The following DLD variants were observed in gnomAD, a reference collection of about 807,000 sequenced individuals.
The protein encoded by DLD is dihydrolipoyl dehydrogenase, mitochondrial.
In DLD, 36 loss-of-function variants were observed where a neutral mutation model predicts 62.2. The ratio of observed to expected loss-of-function variants is 0.58; its 90% CI spans 0.44 to 0.76. DLD has a LOEUF of 0.76. DLD is among the 30% of genes least tolerant of loss of function. DLD has a pLI of 0.00. For missense variants in DLD, 541 were observed against 608.6 expected, an observed-to-expected ratio of 0.89 and a Z score of 1.17; for synonymous variants, 204 against 199.6, an observed-to-expected ratio of 1.02 and a Z score of -0.19.
chr7:107,892,884 ATAAT>A (rs1466474574), intron 1 of DLD, among the ~76,000 whole-genome samples: 5 of 152,322 alleles, frequency 3.3e-5, no homozygotes, highest in South Asian at 2.1e-4. Flanking sequence ...CCTGGCACTA[ATAAT>A]TAGCCATGTT....
chr7:107,918,954 T>G, intron 12 of DLD, 56 bp from the exon 13 acceptor site: 1 of 1,377,326 alleles, frequency 7.3e-7, no homozygotes, highest in Non-Finnish European at 1.0e-6. Context: ...ATTGCTATCC[T>G]ATTAGCATGT....
At chr7:107,893,104 A>T in intron 1 of DLD, 96 bp from the exon 2 acceptor site, 1 of 877,464 alleles carries the variant, frequency 1.1e-6, no homozygotes, top group East Asian at 2.6e-5. Flanking sequence ...TCCTCGCTTG[A>T]TACGTTTGCC....
chr7:107,891,369 C>G, intron 1 of DLD, 80 bp downstream of exon 1: 2 of 1,520,132 alleles, frequency 1.3e-6, no homozygotes, highest in Non-Finnish European at 1.8e-6. Flanking sequence ...GCGGCTTAAC[C>G]GTGTTGGGCT....
chr7:107,906,788 A>C (rs1459393019), intron 8 of DLD, among the ~76,000 whole-genome samples: 1 of 152,090 alleles, frequency 6.6e-6, no homozygotes, highest in East Asian at 1.9e-4. Flanking sequence ...GAAATGTCAA[A>C]CTACTTGCAT....
chr7:107,911,561 C>A (rs2032140997), intron 8 of DLD, among the ~76,000 whole-genome samples: 1 of 152,072 alleles, frequency 6.6e-6, no homozygotes, highest in Admixed American at 6.5e-5. Context: ...AACACCGTTA[C>A]ACTTTTCCAT....
chr7:107,916,931 C>T lies in DLD; in HGVS notation c.1013C>T (p.Pro338Leu), dbSNP rs1167598969. The part of the protein sequence containing the change: ...GIELDPRGRI[P>L]VNTRFQTKIP... The stretch of plus-strand genomic sequence containing the variant: ...GAACTAGATCCCAGAGGTAGAATTC[C>T]AGTCAATACCAGATTTCAAACTAAA... Residue 338 changes from proline to leucine, a missense_variant, in exon 10 of 14, where the codon CCA becomes CTA. By Grantham distance (98) the Pro-to-Leu change is moderately conservative. Coordinates refer to ENST00000205402, the MANE Select transcript of DLD (RefSeq NM_000108.5). The T allele has an allele frequency of 6.2e-7, 1 of 1,613,610 alleles. No homozygotes were observed. Among genetic ancestry groups the T allele is most frequent in the East Asian group, 2.2e-5 (1 of 44,874 alleles).
At chr7:107,909,890 C>T (rs905286079) in intron 8 of DLD, among the ~76,000 whole-genome samples, 15 of 140,844 alleles carry the variant, frequency 1.1e-4, no homozygotes, top group African/African-American at 3.2e-4. Context: ...TCTGTAGCCC[C>T]GGCTGGAATA....
intron 1 of DLD, 103 bp downstream of exon 1, chr7:107,891,392 C>A: frequency 7.7e-7 from 1 of 1,306,086 alleles, no homozygotes; most frequent in Non-Finnish European, 1.1e-6. Context: ...CGGAGGCGGG[C>A]GCCTGGGCCG....
At chr7:107,914,436 T>G in intron 8 of DLD, among the ~76,000 whole-genome samples, 1 of 152,168 alleles carries the variant, frequency 6.6e-6, no homozygotes, top group African/African-American at 2.4e-5. Context: ...ATCAAAGAAA[T>G]CTTCGCCTAA....
rs1482332767 is a variant in DLD, at chr7:107,919,932, AT to A, written c.*674del. On this transcript the variant is annotated 3_prime_UTR_variant, in exon 14 of 14. Coordinates refer to ENST00000205402, the MANE Select transcript of DLD (RefSeq NM_000108.5). The stretch of plus-strand genomic sequence containing the variant: ...GCATTCAAATGTATTACAGTGGGGA[AT>A]GAAGATACTGAAATAAACGTCTTAA... 1.3e-5 allele frequency: 2 copies of A among 152,504 alleles called. No individual in the cohort carries two copies. Among genetic ancestry groups the A allele is most frequent in the Non-Finnish European group, 2.9e-5 (2 of 68,174 alleles). The allele number at this position is 152,504 out of a possible 1,614,324, so 9.4% of individuals were successfully genotyped here.
At chr7:107,916,059 C>A (rs1274172858) in intron 9 of DLD, among the ~76,000 whole-genome samples, 3 of 152,054 alleles carry the variant, frequency 2.0e-5, no homozygotes, top group Non-Finnish European at 2.9e-5. Flanking sequence ...ACTTTAATGG[C>A]ATTTAACTTA....
chr7:107,903,466 A>G lies in DLD; in HGVS notation c.268-12A>G. The stretch of plus-strand genomic sequence containing the variant: ...GAATATTTGATAATTTGATCTTTTT[A>G]ATTTCCTTTAGGCTTTATTGAACAA... On this transcript the variant is annotated splice_polypyrimidine_tract_variant and intron_variant, in intron 4 of 13. Transcript: ENST00000205402. The G allele has an allele frequency of 6.7e-7, 1 of 1,500,590 alleles. No individual in the cohort carries two copies. Among genetic ancestry groups the G allele is most frequent in the Non-Finnish European group, 9.3e-7 (1 of 1,078,052 alleles). The allele number at this position is 1,500,590 out of a possible 1,614,324, so 93.0% of individuals were successfully genotyped here.
intron 10 of DLD, 132 bp downstream of exon 10, chr7:107,917,096 A>C: frequency 8.3e-7 from 1 of 1,207,424 alleles, no homozygotes; most frequent in Non-Finnish European, 1.2e-6. Context: ...AAAATGTAAA[A>C]TAAAAAATAA....
At chr7:107,893,456 T>TA (rs903210842) in intron 2 of DLD, 178 bp downstream of exon 2, 41 of 463,528 alleles carry the variant, frequency 8.8e-5, no homozygotes, top group Admixed American at 2.8e-4. Flanking sequence ...GTGAACAAGG[T>TA]AAAAAAACCC....
intron 12 of DLD, among the ~76,000 whole-genome samples, chr7:107,918,408 T>C (rs1240063721): frequency 6.6e-6 from 1 of 152,214 alleles, no homozygotes; most frequent in Non-Finnish European, 1.5e-5. Flanking sequence ...TGCTCTCTTT[T>C]ACTCATTAAT....
chr7:107,902,863 T>C (rs944161202), intron 4 of DLD, among the ~76,000 whole-genome samples: 2 of 152,360 alleles, frequency 1.3e-5, no homozygotes, highest in East Asian at 3.9e-4. Flanking sequence ...TTATTGTTTG[T>C]CTTTGATTAA....
chr7:107,891,155 C>T, upstream of DLD: 1 of 1,475,098 alleles, frequency 6.8e-7, no homozygotes, highest in Non-Finnish European at 9.4e-7. Flanking sequence ...ACGTAGGCTG[C>T]GCCTGTGCAT....
Position 107,915,363 on chromosome 7 carries a change from G to A in DLD, c.685-143G>A, listed in dbSNP as rs545393201. 6.1e-4 allele frequency: 474 copies of A among 783,422 alleles called. 9 individuals carry two copies. In the East Asian group the frequency reaches 0.013, roughly 21 times the overall value. The allele number at this position is 783,422 out of a possible 1,614,324, so 48.5% of individuals were successfully genotyped here. A position where few individuals can be genotyped will look rare whatever the true frequency, so the allele number is the denominator to read the frequency against. On this transcript the variant is annotated intron_variant, in intron 8 of 13. Transcript: ENST00000205402. The stretch of plus-strand genomic sequence containing the variant: ...TATGAAGTTATACATATTTAACACA[G>A]GGTCAATTTTAAACCTCGGAGCTTC...
chr7:107,917,664 C>G (rs2032301847), intron 11 of DLD, among the ~76,000 whole-genome samples: 2 of 152,114 alleles, frequency 1.3e-5, no homozygotes, highest in African/African-American at 4.8e-5. Flanking sequence ...GAGAAGTTGC[C>G]TATATTAAAA....
Sources: allele counts gnomAD v4.1 joint callset (sites outside exome capture counted in the v4.1 genomes callset), GRCh38; gene constraint gnomAD v4.1.1; transcripts MANE v1.5; gene names NCBI Gene and HGNC (gene_info 2026-07-23, HGNC 2026-07-21).